The following COX7A2L variants were observed in gnomAD, a reference collection of about 807,000 sequenced individuals.
COX7A2L encodes cytochrome c oxidase subunit 7A2 like, also known as cytochrome c oxidase subunit 7A2-like, mitochondrial.
A neutral mutation model predicts 14.2 loss-of-function variants in COX7A2L; 18 were observed. That is an observed-to-expected ratio of 1.27 (90% CI 0.88 to 1.88). The LOEUF (loss-of-function observed/expected upper bound fraction) is 1.88, where lower values mean the gene tolerates loss of function less well. COX7A2L is among the 40% of genes most tolerant of loss of function. COX7A2L has a pLI of 0.00. For missense variants in COX7A2L, 179 were observed against 138.8 expected (o/e 1.29, Z -1.46); for synonymous variants, 65 against 57.4 (o/e 1.13, Z -0.60).
chr2:42,339,960 C>T lies in COX7A2L; in HGVS notation c.193-6091G>A, dbSNP rs974757204. ...ACCTTGTTCAGTCTTGGTTATCCCC[C>T]ATTCTATTTCCTCACTCCCACACGA... On this transcript the variant is annotated intron_variant, in intron 2 of 2. Coordinates refer to the COX7A2L transcript ENST00000468711. This position sits in a 1 kb window ranked among gnomAD's most constrained non-coding sequence, Gnocchi z 5.4. Among the ~76,000 whole-genome samples, 2 of 152,144 alleles carry T rather than the reference C, an allele frequency of 1.3e-5. No individual in the cohort carries two copies. The highest frequency in any genetic ancestry group is 6.5e-5 in the Admixed American group (1 of 15,284).
At position 42,353,195 on chromosome 2, in the gene COX7A2L, A is replaced by G; in HGVS notation, c.204+17T>C. 1 of 1,611,920 alleles carries G rather than the reference A, an allele frequency of 6.2e-7. No individual in the cohort carries two copies. Among genetic ancestry groups the G allele is most frequent in the Non-Finnish European group, 8.5e-7 (1 of 1,179,518 alleles). On this transcript the variant is annotated intron_variant, in intron 2 of 2. Coordinates refer to ENST00000234301, the MANE Select transcript of COX7A2L (RefSeq NM_004718.4). ...TTTATTTCACAGGCTTTTCTGTTGTAGAGTATCTTCCCTCACCTGGAAAAA... is the reference window on the plus strand; with the variant it reads ...TTTATTTCACAGGCTTTTCTGTTGTGGAGTATCTTCCCTCACCTGGAAAAA...
chr2:42,353,267 G>C lies in COX7A2L; in HGVS notation c.149C>G (p.Thr50Arg). 6.2e-7 allele frequency: 1 copy of C among 1,614,140 alleles called. No individual in the cohort carries two copies. The highest frequency in any genetic ancestry group is 8.5e-7 in the Non-Finnish European group (1 of 1,180,028). Residue 50 changes from threonine to arginine, a missense_variant, in exon 2 of 3, where the codon ACA becomes AGA. Physicochemically the swap from Thr to Arg is moderately conservative, Grantham distance 71. Coordinates refer to ENST00000234301, the MANE Select transcript of COX7A2L (RefSeq NM_004718.4). ...ATPTKLTSDS[T>R]VYDYAGKNKV... ...GTTTTTCCCAGCATAATCATACACT[G>C]TGGAATCGGAGGTCAGTTTAGTTGG...
chr2:42,338,657 C>T lies in COX7A2L; in HGVS notation c.193-4788G>A, dbSNP rs887843202. Among the ~76,000 whole-genome samples, 1 of 152,202 alleles carries T rather than the reference C, an allele frequency of 6.6e-6. No homozygotes were observed. Among genetic ancestry groups the T allele is most frequent in the African/African-American group, 2.4e-5 (1 of 41,450 alleles). ...TTAGTGTGATTCAACTCCATCCCCACCTGGCGGTCAGCCTGTCGAGGGGCC... is the reference window on the plus strand; with the variant it reads ...TTAGTGTGATTCAACTCCATCCCCATCTGGCGGTCAGCCTGTCGAGGGGCC... On this transcript the variant is annotated intron_variant, in intron 2 of 2. Coordinates refer to the COX7A2L transcript ENST00000468711. This position sits in a 1 kb window ranked among gnomAD's most constrained non-coding sequence, Gnocchi z 4.4.
At chr2:42,357,241 T>C (rs1468612074) in intron 1 of COX7A2L, among the ~76,000 whole-genome samples, 1 of 152,264 alleles carries the variant, frequency 6.6e-6, no homozygotes, top group Non-Finnish European at 1.5e-5. Context: ...TAGAAATGTA[T>C]GAACTTTTCC....
upstream of COX7A2L, among the ~76,000 whole-genome samples, chr2:42,364,990 C>T (rs555745656): frequency 6.6e-6 from 1 of 152,294 alleles, no homozygotes; most frequent in African/African-American, 2.4e-5. Flanking sequence ...ATGGATTTAA[C>T]TCAATTTTGA....
intron 2 of COX7A2L, 175 bp downstream of exon 2, chr2:42,353,037 G>T (rs1387262612): frequency 1.4e-6 from 1 of 739,926 alleles, no homozygotes; most frequent in African/African-American, 1.8e-5. Context: ...TCTTTTATCA[G>T]TATCTACCTA....
upstream of COX7A2L, chr2:42,361,237 G>A (rs1339049143): frequency 6.3e-6 from 9 of 1,419,386 alleles, no homozygotes; most frequent in East Asian, 1.2e-4. Context: ...CCCCGGCTGT[G>A]GTCCCGAGAC....
upstream of COX7A2L, among the ~76,000 whole-genome samples, chr2:42,364,595 G>T (rs369285776): frequency 3.9e-4 from 60 of 152,158 alleles, no homozygotes; most frequent in African/African-American, 1.4e-3. Flanking sequence ...GCAATTATTC[G>T]GTAATTTTCA....
At chr2:42,336,925 G>A (rs1670289644) in intron 2 of COX7A2L, among the ~76,000 whole-genome samples, 1 of 152,122 alleles carries the variant, frequency 6.6e-6, no homozygotes, top group Non-Finnish European at 1.5e-5. Context: ...GGCTCAGCAA[G>A]GAATCCCAAA....
At chr2:42,347,089 C>T (rs1670512531), downstream of COX7A2L, among the ~76,000 whole-genome samples, 1 of 152,140 alleles carries the variant, frequency 6.6e-6, no homozygotes, top group African/African-American at 2.4e-5. Context: ...TGGTCTTGAA[C>T]TCCTAAGCTG....
At chr2:42,361,310 A>G, upstream of COX7A2L, 1 of 692,872 alleles carries the variant, frequency 1.4e-6, no homozygotes, top group Non-Finnish European at 2.4e-6. Context: ...TAAAACCTGC[A>G]CACTTAAGCC....
At chr2:42,355,748 C>T (rs1428605759) in intron 1 of COX7A2L, among the ~76,000 whole-genome samples, 6 of 46,250 alleles carry the variant, frequency 1.3e-4, no homozygotes, top group Non-Finnish European at 2.0e-4. Flanking sequence ...TTTTTTGAGA[C>T]GGAATCTCGC....
upstream of COX7A2L, among the ~76,000 whole-genome samples, chr2:42,363,061 A>C (rs1671094132): frequency 6.6e-6 from 1 of 151,758 alleles, no homozygotes; most frequent in African/African-American, 2.4e-5. Context: ...TTTTTAGTAG[A>C]GATGGGGTTT....
At chr2:42,367,306 G>A (rs1264952612) in intron 1 of COX7A2L, among the ~76,000 whole-genome samples, 2 of 152,168 alleles carry the variant, frequency 1.3e-5, no homozygotes, top group Non-Finnish European at 2.9e-5. Context: ...GAGGTGAAAT[G>A]ATGTTCTAAA....
At chr2:42,352,414 T>C (rs1391130995) in intron 2 of COX7A2L, among the ~76,000 whole-genome samples, 2 of 152,174 alleles carry the variant, frequency 1.3e-5, no homozygotes, top group South Asian at 2.1e-4. Flanking sequence ...TCCCAAAGTG[T>C]TGGGGCTGCA....
intron 1 of COX7A2L, among the ~76,000 whole-genome samples, chr2:42,357,806 A>C (rs998299040): frequency 1.3e-5 from 2 of 152,134 alleles, no homozygotes; most frequent in Non-Finnish European, 2.9e-5. Flanking sequence ...GAAAGGACAA[A>C]CTACCACAAC....
In COX7A2L at chr2:42,338,739, G is replaced by C. The variant is rs1234115633; in HGVS notation, c.193-4870C>G. ...CTGGCTACGGTGGAAAAGGCCTCAG[G>C]AAACAGTTTTCACTCACAGGGAGAA... On this transcript the variant is annotated intron_variant, in intron 2 of 2. Transcript: ENST00000468711. The surrounding 1 kb of genome is among the most constrained non-coding windows in gnomAD (Gnocchi z 4.4). 6.6e-6 allele frequency among the ~76,000 whole-genome samples: 1 copy of C among 152,230 alleles called. No homozygotes were observed. The highest frequency in any genetic ancestry group is 1.9e-4 in the East Asian group (1 of 5,202).
chr2:42,354,295 GT>G (rs910028239), intron 1 of COX7A2L, among the ~76,000 whole-genome samples: 2 of 151,998 alleles, frequency 1.3e-5, no homozygotes, highest in East Asian at 1.9e-4. Flanking sequence ...GGGATCTCTG[GT>G]TTTTTTATCT....
At chr2:42,363,199 T>C (rs1281206767), upstream of COX7A2L, among the ~76,000 whole-genome samples, 5 of 152,084 alleles carry the variant, frequency 3.3e-5, no homozygotes, top group Non-Finnish European at 5.9e-5. Flanking sequence ...TGATACTGAA[T>C]AGATTCAGGA....
Sources: gnomAD v4.1 joint callset for allele counts (sites outside exome capture counted in the v4.1 genomes callset) on GRCh38, gnomAD v4.1.1 for gene constraint, Gnocchi (gnomAD v3.1) non-coding constraint, MANE v1.5 for transcripts, NCBI Gene and HGNC (gene_info 2026-07-23, HGNC 2026-07-21) for gene names.